COQ2: variants seen among roughly 807,000 people sequenced by gnomAD.
COQ2 encodes coenzyme Q2, polyprenyltransferase, also known as 4-hydroxybenzoate polyprenyltransferase, mitochondrial.
In COQ2, 25 loss-of-function variants were observed where a neutral mutation model predicts 35.7. The observed-to-expected ratio is 0.70, with a 90% CI of 0.51 to 0.98. The LOEUF (loss-of-function observed/expected upper bound fraction) is 0.98. Ranked by LOEUF, COQ2 falls within the 50% of genes least tolerant of loss-of-function variation. COQ2 has a pLI of 0.00. For missense variants in COQ2, 488 were observed against 473.5 expected (o/e 1.03, Z -0.28); for synonymous variants, 206 against 186.2 (o/e 1.11, Z -0.86).
At chr4:83,265,123 C>A (rs1231477160) in intron 6 of COQ2, among the ~76,000 whole-genome samples, 1 of 152,196 alleles carries the variant, frequency 6.6e-6, no homozygotes, top group African/African-American at 2.4e-5. Flanking sequence ...GGTAGCCCTG[C>A]AAATACACTA....
chr4:83,279,911 C>T (rs1477516692), intron 1 of COQ2, among the ~76,000 whole-genome samples: 1 of 136,362 alleles, frequency 7.3e-6, no homozygotes, highest in African/African-American at 2.7e-5. Context: ...CCCAAGCTGG[C>T]GTACAATGGC....
chr4:83,264,358 G>A lies in COQ2; in HGVS notation c.957C>T (p.Tyr319=), dbSNP rs141431344. ...CCTCAGGTCTGTGGATGTCTAGAGT[G>A]TAAATCTGCAAGAGAGGAATACAAA... The part of the protein sequence containing the change: ...AVGAHLTHQI[Y]TLDIHRPEDC... The change falls in exon 7 of 7, where the codon TAC becomes TAT. Residue 319 remains tyrosine, a synonymous_variant. Coordinates refer to ENST00000647002, the MANE Select transcript of COQ2 (RefSeq NM_001358921.2). 1.3e-3 allele frequency: 2,017 copies of A among 1,600,174 alleles called. 20 individuals carry two copies. The African/African-American group carries it at 0.024, about 19-fold the overall frequency.
Position 83,269,760 on chromosome 4 carries a change from A to G in COQ2, c.762+100T>C. 5 of 1,118,128 alleles carry G rather than the reference A, an allele frequency of 4.5e-6. No individual in the cohort carries two copies. The South Asian group carries it at 8.6e-5, about 19-fold the overall frequency. 69.3% of individuals were successfully genotyped at this position (1,118,128 alleles called of 1,614,324 possible). A position where few individuals can be genotyped will look rare whatever the true frequency, so the allele number is the denominator to read the frequency against. On this transcript the variant is annotated intron_variant, in intron 5 of 6. Coordinates refer to ENST00000647002, the MANE Select transcript of COQ2 (RefSeq NM_001358921.2). ...TTAATTTGGTTCTTAAAGTTCTTAA[A>G]AAACAACAACAAATTTTAGAAAAAA...
At chr4:83,274,317 C>T (rs1735116185) in intron 2 of COQ2, among the ~76,000 whole-genome samples, 1 of 152,072 alleles carries the variant, frequency 6.6e-6, no homozygotes, top group African/African-American at 2.4e-5. Context: ...TCTCAGCCTC[C>T]CAAGTAGCTG....
At chr4:83,267,098 G>A (rs963571939) in intron 6 of COQ2, 8 of 448,088 alleles carry the variant, frequency 1.8e-5, no homozygotes, top group South Asian at 1.1e-4. Context: ...ACCTTGGCTG[G>A]GGTTGGTAGC....
In COQ2 at chr4:83,273,617, C is replaced by T. The variant is rs1183612584; in HGVS notation, c.421G>A (p.Val141Ile). 3.7e-6 allele frequency: 6 copies of T among 1,612,532 alleles called. No individual in the cohort carries two copies. The South Asian group carries it at 6.6e-5, about 18-fold the overall frequency. Residue 141 changes from valine to isoleucine, a missense_variant and splice_region_variant, in exon 3 of 7, where the codon GTT (valine) becomes ATT (isoleucine). By Grantham distance (29) the Val-to-Ile change is conservative. Coordinates refer to ENST00000647002, the MANE Select transcript of COQ2 (RefSeq NM_001358921.2). ...DMWDQDYDKK[V>I]TRTANRPIAA... Reference sequence around the variant, plus strand: ...ATTGGACGATTGGCTGTTCTTGTAACCTTAAAACATAAAAACAGATACCTT... The same window carrying T: ...ATTGGACGATTGGCTGTTCTTGTAATCTTAAAACATAAAAACAGATACCTT...
intron 1 of COQ2, 164 bp downstream of exon 1, chr4:83,284,348 C>T: frequency 1.0e-6 from 1 of 985,350 alleles, no homozygotes; most frequent in East Asian, 1.1e-4. Context: ...TTCAAAGTGT[C>T]CCGAGGTGAT....
At position 83,284,740 on chromosome 4, in the gene COQ2, A is replaced by G. The variant is rs1735426135; in HGVS notation, c.25T>C (p.Phe9Leu). 1.3e-6 allele frequency: 2 copies of G among 1,527,140 alleles called. No individual in the cohort carries two copies. The highest frequency in any genetic ancestry group is 1.2e-5 in the South Asian group (1 of 82,186). The allele number at this position is 1,527,140 out of a possible 1,614,324, so 94.6% of individuals were successfully genotyped here. A position where few individuals can be genotyped will look rare whatever the true frequency, so the allele number is the denominator to read the frequency against. Residue 9 changes from phenylalanine to leucine, a missense_variant, in exon 1 of 7, where the codon TTC (phenylalanine) becomes CTC (leucine). Phe to Leu is a conservative substitution (Grantham distance 22, BLOSUM62 0). Coordinates refer to ENST00000647002, the MANE Select transcript of COQ2 (RefSeq NM_001358921.2). ...GCCACAGCCCGCAGGCCCCGCGCGA[A>G]CCCCGCGGCTCGCGAGCCCAGCATG... MLGSRAAG[F>L]ARGLRAVALA...
intron 1 of COQ2, 50 bp from the exon 2 acceptor site, chr4:83,279,164 T>C: frequency 1.3e-6 from 2 of 1,490,136 alleles, no homozygotes; most frequent in African/African-American, 1.4e-5. Flanking sequence ...GTCAGTTAAC[T>C]GTTTTCATTT....
chr4:83,277,852 C>T (rs916837917), intron 2 of COQ2, among the ~76,000 whole-genome samples: 2 of 151,918 alleles, frequency 1.3e-5, no homozygotes, highest in Non-Finnish European at 2.9e-5. Context: ...GCCTGAAACC[C>T]CAGCTACTCA....
intron 3 of COQ2, among the ~76,000 whole-genome samples, chr4:83,272,823 T>C (rs569735365): frequency 6.6e-6 from 1 of 152,294 alleles, no homozygotes; most frequent in South Asian, 2.1e-4. Flanking sequence ...AAATAAGACG[T>C]TCTTAGGACC....
Position 83,275,358 on chromosome 4 carries a change from G to A in COQ2, c.421-1741C>T, listed in dbSNP as rs1229266638. Among the ~76,000 whole-genome samples the A allele has an allele frequency of 6.6e-5, 10 of 152,060 alleles. No individual in the cohort carries two copies. The East Asian group carries it at 1.7e-3, about 26-fold the overall frequency. ...GGGAGATGCTGCCTAATTGCTACCA[G>A]CTGGGGTTACAAGCTCACGTTCCCA... On this transcript the variant is annotated intron_variant, in intron 2 of 6. Coordinates refer to ENST00000647002, the MANE Select transcript of COQ2 (RefSeq NM_001358921.2).
chr4:83,273,614 TAACCTTAA>T lies in COQ2; in HGVS notation c.421-5_423del, dbSNP rs778590200. The T allele has an allele frequency of 6.2e-7, 1 of 1,613,228 alleles. No individual in the cohort carries two copies. The highest frequency in any genetic ancestry group is 1.1e-5 in the South Asian group (1 of 90,938). On this transcript the variant is annotated splice_acceptor_variant and splice_polypyrimidine_tract_variant and coding_sequence_variant and intron_variant, in exon 3 of 7. Coordinates refer to ENST00000647002, the MANE Select transcript of COQ2 (RefSeq NM_001358921.2). LOFTEE classifies it high-confidence loss of function. ...GCTATTGGACGATTGGCTGTTCTTG[TAACCTTAA>T]AACATAAAAACAGATACCTTAGCTT...
intron 5 of COQ2, among the ~76,000 whole-genome samples, chr4:83,268,689 C>T (rs193022110): frequency 1.4e-4 from 21 of 152,200 alleles, no homozygotes; most frequent in African/African-American, 4.1e-4. Context: ...CAGACCTTAC[C>T]GCAAAAAGTA....
chr4:83,276,826 T>C (rs1361014987), intron 2 of COQ2, among the ~76,000 whole-genome samples: 1 of 152,098 alleles, frequency 6.6e-6, no homozygotes, highest in Non-Finnish European at 1.5e-5. Context: ...GATTAAAAAA[T>C]GTGGTATATA....
chr4:83,272,045 T>C, intron 4 of COQ2, 42 bp downstream of exon 4: 1 of 1,289,984 alleles, frequency 7.8e-7, no homozygotes, highest in Non-Finnish European at 1.1e-6. Context: ...AAGTGTAGTT[T>C]GCAAATATCA....
chr4:83,272,735 A>G (rs1323317182), intron 3 of COQ2, among the ~76,000 whole-genome samples: 1 of 152,198 alleles, frequency 6.6e-6, no homozygotes, highest in Non-Finnish European at 1.5e-5. Flanking sequence ...TAATAATTAG[A>G]GTCAAGATAT....
chr4:83,282,245 T>C (rs1735342182), intron 1 of COQ2, among the ~76,000 whole-genome samples: 1 of 152,192 alleles, frequency 6.6e-6, no homozygotes, highest in Non-Finnish European at 1.5e-5. Context: ...GCTGACACTT[T>C]CTGGAATAAG....
At chr4:83,267,229 T>C (rs1422134587) in intron 6 of COQ2, 2 of 453,376 alleles carry the variant, frequency 4.4e-6, no homozygotes, top group African/African-American at 4.0e-5. Flanking sequence ...TAAAAAAAAT[T>C]AGCCAGGCAT....
Sources: gnomAD v4.1 joint callset for allele counts (sites outside exome capture counted in the v4.1 genomes callset) on GRCh38, gnomAD v4.1.1 for gene constraint, MANE v1.5 for transcripts, NCBI Gene and HGNC (gene_info 2026-07-23, HGNC 2026-07-21) for gene names.